Variants in PPP3CA observed in about 807,000 individuals in gnomAD.
PPP3CA encodes CAM-PRP catalytic subunit.
PPP3CA carries 14 observed loss-of-function variants against 66.5 expected under a neutral mutation model. The ratio of observed to expected loss-of-function variants is 0.21; its 90% confidence interval spans 0.14 to 0.33. PPP3CA has a LOEUF of 0.33. PPP3CA is among the 10% of genes least tolerant of loss of function. The pLI is 1.00. For synonymous variants in PPP3CA, 232 were observed against 226.2 expected (o/e 1.03, Z -0.23); for missense variants, 317 against 639.5 (o/e 0.50, Z 5.44).
At chr4:101,326,035 A>T (rs1169340635) in intron 1 of PPP3CA, among the ~76,000 whole-genome samples, 1 of 152,178 alleles carries the variant, frequency 6.6e-6, no homozygotes, top group African/African-American at 2.4e-5. Flanking sequence ...GCTACTCAGA[A>T]GGCTGAAGCA....
At chr4:101,110,184 G>A (rs1046975050) in intron 2 of PPP3CA, among the ~76,000 whole-genome samples, 3 of 152,140 alleles carry the variant, frequency 2.0e-5, no homozygotes, top group African/African-American at 7.2e-5. Context: ...AACACTAAGA[G>A]TTACACAGAA....
intron 3 of PPP3CA, among the ~76,000 whole-genome samples, chr4:101,104,985 T>C (rs1560603822): frequency 6.6e-6 from 1 of 152,114 alleles, no homozygotes. Context: ...GCCCCATAAT[T>C]CCTACACTTC....
intron 10 of PPP3CA, among the ~76,000 whole-genome samples, chr4:101,049,491 C>A (rs1210810487): frequency 1.3e-5 from 2 of 151,878 alleles, no homozygotes; most frequent in Non-Finnish European, 2.9e-5. Context: ...AGGAATAAAT[C>A]TAAATTTAAT....
chr4:101,220,598 TTTTG>T lies in PPP3CA; in HGVS notation c.59-24486_59-24483del, dbSNP rs745575009. On this transcript the variant is annotated intron_variant, in intron 1 of 13. Transcript: ENST00000394854. ...AACTGACACTAGGCAAACAGGTGTT[TTTTG>T]TTTGTTTGTTTTTCTTAATTATTCT... 5.1e-3 allele frequency among the ~76,000 whole-genome samples: 768 copies of T among 151,760 alleles called. 6 individuals are homozygous for T. Among genetic ancestry groups the T allele is most frequent in the African/African-American group, 0.017 (709 of 41,478 alleles).
At chr4:101,054,743 G>A (rs1214731260) in intron 10 of PPP3CA, among the ~76,000 whole-genome samples, 2 of 151,890 alleles carry the variant, frequency 1.3e-5, no homozygotes, top group East Asian at 1.9e-4. Context: ...TAATTTTCTG[G>A]TATAGGACAT....
At chr4:101,290,665 A>G (rs1283810053) in intron 1 of PPP3CA, among the ~76,000 whole-genome samples, 1 of 152,224 alleles carries the variant, frequency 6.6e-6, no homozygotes, top group Non-Finnish European at 1.5e-5. Context: ...ACCCAGTACA[A>G]GAGTCAAATA....
chr4:101,342,716 T>C (rs1477347101), intron 1 of PPP3CA, among the ~76,000 whole-genome samples: 1 of 152,146 alleles, frequency 6.6e-6, no homozygotes. Flanking sequence ...ACTCAACTGA[T>C]GGTAACAAAA....
chr4:101,175,316 A>C (rs978031043), intron 2 of PPP3CA, among the ~76,000 whole-genome samples: 1 of 152,198 alleles, frequency 6.6e-6, no homozygotes, highest in Admixed American at 6.5e-5. Context: ...TCTGGGAAAG[A>C]GTAATAGCCA....
intron 1 of PPP3CA, among the ~76,000 whole-genome samples, chr4:101,235,277 T>C (rs1316267709): frequency 6.6e-6 from 1 of 151,822 alleles, no homozygotes; most frequent in African/African-American, 2.4e-5. Flanking sequence ...TAAAGGAGAA[T>C]AGCTTTTTAA....
chr4:101,084,621 C>A (rs1224149483), intron 6 of PPP3CA, among the ~76,000 whole-genome samples: 1 of 148,950 alleles, frequency 6.7e-6, no homozygotes, highest in Admixed American at 6.7e-5. Context: ...CCAGCCTGGG[C>A]GACAAGAGTG....
At chr4:101,280,719 C>T (rs1727652849) in intron 1 of PPP3CA, among the ~76,000 whole-genome samples, 1 of 150,856 alleles carries the variant, frequency 6.6e-6, no homozygotes, top group African/African-American at 2.4e-5. Context: ...ACTTGGGAGG[C>T]TGAGGCTGGA....
intron 2 of PPP3CA, among the ~76,000 whole-genome samples, chr4:101,160,281 C>T (rs1723461263): frequency 6.6e-6 from 1 of 152,090 alleles, no homozygotes; most frequent in African/African-American, 2.4e-5. Flanking sequence ...TTGACAACGA[C>T]CACTGATATA....
intron 8 of PPP3CA, among the ~76,000 whole-genome samples, chr4:101,073,622 T>G (rs1002454990): frequency 1.3e-5 from 2 of 152,158 alleles, no homozygotes; most frequent in African/African-American, 2.4e-5. Context: ...TTCTACTTTA[T>G]TCCTTCATAT....
rs890040856 is a variant in PPP3CA at position 101,024,650 on chromosome 4, G to C, written c.*1215C>G. 2 of 152,572 alleles carry C rather than the reference G, an allele frequency of 1.3e-5. No homozygotes were observed. The highest frequency in any genetic ancestry group is 6.5e-5 in the Admixed American group (1 of 15,270). 9.5% of individuals were successfully genotyped at this position (152,572 alleles called of 1,614,324 possible). On this transcript the variant is annotated 3_prime_UTR_variant, in exon 14 of 14. Coordinates refer to ENST00000394854, the MANE Select transcript of PPP3CA (RefSeq NM_000944.5). Reference sequence around the variant, plus strand: ...GACATTAACAGTTGCCATGCATTTAGAGTTTCACATGTAACTACAAACTTA... The same window carrying C: ...GACATTAACAGTTGCCATGCATTTACAGTTTCACATGTAACTACAAACTTA...
chr4:101,305,945 A>G (rs1366058842), intron 1 of PPP3CA, among the ~76,000 whole-genome samples: 2 of 152,188 alleles, frequency 1.3e-5, no homozygotes, highest in Non-Finnish European at 2.9e-5. Flanking sequence ...TTGAGAGGAT[A>G]AGACTTGCTG....
intron 1 of PPP3CA, among the ~76,000 whole-genome samples, chr4:101,210,800 C>T (rs538975622): frequency 6.6e-6 from 1 of 152,226 alleles, no homozygotes; most frequent in South Asian, 2.1e-4. Flanking sequence ...TTTACTCTTA[C>T]AAGGCGGCCT....
chr4:101,270,587 A>G (rs899897431), intron 1 of PPP3CA, among the ~76,000 whole-genome samples: 2 of 152,176 alleles, frequency 1.3e-5, no homozygotes, highest in African/African-American at 4.8e-5. Context: ...TAAGGTAGAC[A>G]GTATTGGTCT....
chr4:101,092,565 T>C (rs577503918), intron 6 of PPP3CA, among the ~76,000 whole-genome samples: 63 of 152,194 alleles, frequency 4.1e-4, no homozygotes, highest in African/African-American at 1.5e-3. Context: ...TAGATATTTA[T>C]ACTAATAATA....
chr4:101,123,088 T>G (rs1722080892), intron 2 of PPP3CA, among the ~76,000 whole-genome samples: 1 of 152,214 alleles, frequency 6.6e-6, no homozygotes, highest in Non-Finnish European at 1.5e-5. Context: ...TAATATCCCA[T>G]TGTGTTAGAC....
Sources: allele counts gnomAD v4.1 joint callset (sites outside exome capture counted in the v4.1 genomes callset), GRCh38; gene constraint gnomAD v4.1.1; transcripts MANE v1.5; gene names NCBI Gene and HGNC (gene_info 2026-07-23, HGNC 2026-07-21).